Variants in CHCHD3 observed in about 807,000 individuals in gnomAD.
CHCHD3 encodes MICOS complex subunit MIC19.
In CHCHD3, 20 loss-of-function variants were observed where a neutral mutation model predicts 38.2. The observed-to-expected ratio is 0.52, with a 90% CI of 0.37 to 0.76. The LOEUF is 0.76. Ranked by LOEUF, CHCHD3 falls within the 30% of genes least tolerant of loss-of-function variation. The pLI is 0.00. For missense variants in CHCHD3, 245 were observed against 279.2 expected (o/e 0.88, Z 0.87); for synonymous variants, 82 against 100.0 (o/e 0.82, Z 1.07).
chr7:132,990,376 A>G (rs763195566), intron 3 of CHCHD3, among the ~76,000 whole-genome samples: 6 of 152,180 alleles, frequency 3.9e-5, no homozygotes, highest in African/African-American at 1.4e-4. Context: ...TGGAAGAAAA[A>G]GGAACCTAAG....
intron 4 of CHCHD3, chr7:132,973,423 C>T: frequency 1.0e-6 from 1 of 985,570 alleles, no homozygotes; most frequent in Non-Finnish European, 1.2e-6. Flanking sequence ...AATCCTTCAG[C>T]TTAGACGTAC....
chr7:132,789,939 G>T (rs906364498), intron 7 of CHCHD3, among the ~76,000 whole-genome samples: 1 of 152,172 alleles, frequency 6.6e-6, no homozygotes, highest in Non-Finnish European at 1.5e-5. Context: ...CTGGAGCTTC[G>T]ATGAGGAAAA....
intron 4 of CHCHD3, among the ~76,000 whole-genome samples, chr7:132,888,897 A>G (rs1809288637): frequency 6.6e-6 from 1 of 152,114 alleles, no homozygotes; most frequent in Admixed American, 6.5e-5. Flanking sequence ...GGGACAGAGA[A>G]GGTTGAGTAC....
chr7:132,793,172 G>A (rs891253968), intron 7 of CHCHD3, among the ~76,000 whole-genome samples: 1 of 152,164 alleles, frequency 6.6e-6, no homozygotes, highest in Non-Finnish European at 1.5e-5. Flanking sequence ...CACGCTCAGA[G>A]GAAGAGACAT....
intron 6 of CHCHD3, among the ~76,000 whole-genome samples, chr7:132,836,617 T>G (rs539115559): frequency 8.5e-5 from 13 of 152,202 alleles, no homozygotes; most frequent in African/African-American, 2.4e-4. Flanking sequence ...ACCACCAGTA[T>G]ATGCCCCTAC....
intron 4 of CHCHD3, chr7:132,972,789 A>G: frequency 1.0e-6 from 1 of 985,462 alleles, no homozygotes; most frequent in African/African-American, 1.7e-5. Flanking sequence ...ATGCTGAAAT[A>G]CAGGAGTTGT....
At chr7:132,919,107 T>TTC (rs1456333510) in intron 4 of CHCHD3, among the ~76,000 whole-genome samples, 1 of 122,678 alleles carries the variant, frequency 8.2e-6, no homozygotes, top group Non-Finnish European at 1.7e-5. Flanking sequence ...ATTCTTTTTT[T>TTC]TTTTTTTTTT....
At chr7:132,867,711 A>T (rs971902851) in intron 5 of CHCHD3, among the ~76,000 whole-genome samples, 1 of 152,256 alleles carries the variant, frequency 6.6e-6, no homozygotes, top group Non-Finnish European at 1.5e-5. Context: ...ATTTTAGAGT[A>T]AATGAATGAT....
chr7:132,843,237 T>C (rs1807988676), intron 5 of CHCHD3, among the ~76,000 whole-genome samples: 1 of 152,014 alleles, frequency 6.6e-6, no homozygotes, highest in Non-Finnish European at 1.5e-5. Flanking sequence ...TCAAGGTCTA[T>C]GGACCACCTG....
At chr7:132,857,810 G>T (rs1808379497) in intron 5 of CHCHD3, among the ~76,000 whole-genome samples, 1 of 152,142 alleles carries the variant, frequency 6.6e-6, no homozygotes, top group Non-Finnish European at 1.5e-5. Context: ...AATCCCACTG[G>T]GTCTGGTTTT....
rs371216991 is a variant in CHCHD3, at chr7:132,994,567, G to A, written c.252-19281C>T. Among the ~76,000 whole-genome samples, 7 of 152,054 alleles carry A rather than the reference G, an allele frequency of 4.6e-5. No individual in the cohort carries two copies. The East Asian group carries it at 7.7e-4, about 17-fold the overall frequency. On this transcript the variant is annotated intron_variant, in intron 3 of 7. Transcript: ENST00000262570. ...AAAACAGAACAACCCCTCTCCAAAGGAATATATGCTGCAAAACTAATTTTA... is the reference window on the plus strand; with the variant it reads ...AAAACAGAACAACCCCTCTCCAAAGAAATATATGCTGCAAAACTAATTTTA...
In CHCHD3 at chr7:132,808,144, G is replaced by C. The variant is rs192584753; in HGVS notation, c.525-11567C>G. On this transcript the variant is annotated intron_variant, in intron 6 of 7. Coordinates refer to ENST00000262570, the MANE Select transcript of CHCHD3 (RefSeq NM_017812.4). ...GTTTGGCACAAACCCTTCTGATTTA[G>C]TATCTCAGTAACCTTGTGAGAAAAG... Among the ~76,000 whole-genome samples, 166 of 152,300 alleles carry C rather than the reference G, an allele frequency of 1.1e-3. 1 individual carries two copies. The highest frequency in any genetic ancestry group is 3.9e-3 in the African/African-American group (164 of 41,566).
intron 6 of CHCHD3, among the ~76,000 whole-genome samples, chr7:132,831,761 A>G (rs998523346): frequency 2.0e-5 from 3 of 152,200 alleles, no homozygotes; most frequent in African/African-American, 7.2e-5. Flanking sequence ...TATTAATCTA[A>G]TATTTCCAAA....
chr7:132,829,698 C>T (rs1807592104), intron 6 of CHCHD3, among the ~76,000 whole-genome samples: 1 of 152,206 alleles, frequency 6.6e-6, no homozygotes, highest in Admixed American at 6.5e-5. Flanking sequence ...GCACCATCAG[C>T]AGCTTATTTC....
At chr7:133,045,358 T>C (rs1488919936) in intron 2 of CHCHD3, among the ~76,000 whole-genome samples, 1 of 152,210 alleles carries the variant, frequency 6.6e-6, no homozygotes, top group Non-Finnish European at 1.5e-5. Context: ...TTCAGTGCAC[T>C]CTAACATTCT....
At chr7:132,843,219 C>T (rs188159398) in intron 5 of CHCHD3, among the ~76,000 whole-genome samples, 20 of 152,022 alleles carry the variant, frequency 1.3e-4, no homozygotes, top group African/African-American at 3.6e-4. Context: ...TTGTTGTGAG[C>T]GCTTGGTTCA....
chr7:132,974,287 C>A (rs898185587), intron 4 of CHCHD3, among the ~76,000 whole-genome samples: 1 of 152,164 alleles, frequency 6.6e-6, no homozygotes, highest in Non-Finnish European at 1.5e-5. Context: ...TTTAAACCTT[C>A]TTCTGTCTGT....
Position 132,785,503 on chromosome 7 carries a change from C to A in CHCHD3, c.*134G>T. On this transcript the variant is annotated 3_prime_UTR_variant, in exon 8 of 8. Transcript: ENST00000262570. ...AAAACGTGAAATGATTCTGCTGAAT[C>A]CATTCTTGATGTCTCTCTTTAGTGG... 1.2e-6 allele frequency: 1 copy of A among 842,084 alleles called. No individual in the cohort carries two copies. The highest frequency in any genetic ancestry group is 1.5e-5 in the South Asian group (1 of 64,650). 52.2% of individuals were successfully genotyped at this position (842,084 alleles called of 1,614,324 possible).
At chr7:132,962,386 G>C (rs998597420) in intron 4 of CHCHD3, among the ~76,000 whole-genome samples, 1 of 152,138 alleles carries the variant, frequency 6.6e-6, no homozygotes, top group Non-Finnish European at 1.5e-5. Flanking sequence ...TAAGAGACTT[G>C]AAAGAGAACT....
Sources: gnomAD v4.1 joint callset for allele counts (sites outside exome capture counted in the v4.1 genomes callset) on GRCh38, gnomAD v4.1.1 for gene constraint, MANE v1.5 for transcripts, NCBI Gene and HGNC (gene_info 2026-07-23, HGNC 2026-07-21) for gene names.